Variants in PTPRD observed in about 807,000 individuals in gnomAD.
PTPRD encodes the protein receptor-type tyrosine-protein phosphatase delta.
A neutral mutation model predicts 214.5 loss-of-function variants in PTPRD; 34 were observed. That is an observed-to-expected ratio of 0.16 (90% CI 0.12 to 0.21). The LOEUF (loss-of-function observed/expected upper bound fraction) is 0.21. PTPRD is among the 10% of genes least tolerant of loss of function. The probability of loss-of-function intolerance (pLI) is 1.00; values close to 1 mark genes in which losing one functional copy is unlikely to be tolerated. For synonymous variants in PTPRD, 1,128 were observed against 845.7 expected (o/e 1.33, Z -5.79); for missense variants, 2,545 against 2,398.7 (o/e 1.06, Z -1.27).
intron 10 of PTPRD, among the ~76,000 whole-genome samples, chr9:9,088,295 A>C (rs2099770331): frequency 6.6e-6 from 1 of 150,424 alleles, no homozygotes; most frequent in African/African-American, 2.4e-5. Flanking sequence ...GAACTAATAA[A>C]ATGAAATCTG....
chr9:9,483,723 T>A (rs1396840741), intron 8 of PTPRD, among the ~76,000 whole-genome samples: 1 of 151,738 alleles, frequency 6.6e-6, no homozygotes, highest in Non-Finnish European at 1.5e-5. Flanking sequence ...AAGGAATAAG[T>A]AACTCATTTC....
intron 7 of PTPRD, among the ~76,000 whole-genome samples, chr9:9,694,360 T>C (rs1024606478): frequency 1.3e-5 from 2 of 152,008 alleles, no homozygotes; most frequent in African/African-American, 4.8e-5. Flanking sequence ...ATTCTCTACA[T>C]TGCTAGGCAG....
At chr9:9,838,099 C>G (rs1428654630) in intron 5 of PTPRD, among the ~76,000 whole-genome samples, 1 of 152,156 alleles carries the variant, frequency 6.6e-6, no homozygotes, top group African/African-American at 2.4e-5. Flanking sequence ...GACATGAACT[C>G]ATCATTTTTT....
At chr9:8,655,278 C>T (rs774213539) in intron 12 of PTPRD, among the ~76,000 whole-genome samples, 13 of 152,170 alleles carry the variant, frequency 8.5e-5, no homozygotes, top group Non-Finnish European at 1.8e-4. Flanking sequence ...CTTCTGCTTT[C>T]CTCCCCTGCC....
At chr9:8,502,633 A>C (rs994779700) in intron 23 of PTPRD, among the ~76,000 whole-genome samples, 7 of 152,038 alleles carry the variant, frequency 4.6e-5, no homozygotes, top group Non-Finnish European at 8.8e-5. Flanking sequence ...ATGCATTATC[A>C]TTATTCATAA....
Position 10,210,769 on chromosome 9 carries a change from G to C in PTPRD, c.-545+130194C>G, listed in dbSNP as rs2099512350. Reference sequence around the variant, plus strand: ...TATATTTAAAATGTTTATATATAATGTTTATATATATAAAATCAAAAAACT... The same window carrying C: ...TATATTTAAAATGTTTATATATAATCTTTATATATATAAAATCAAAAAACT... On this transcript the variant is annotated intron_variant, in intron 3 of 45. Transcript: ENST00000381196. 5.7e-5 allele frequency among the ~76,000 whole-genome samples: 5 copies of C among 88,016 alleles called. No homozygotes were observed. In the South Asian group the frequency reaches 9.4e-4, roughly 17 times the overall value. 57.7% of individuals were successfully genotyped at this position (88,016 alleles called of 152,430 possible).
At chr9:10,433,379 A>T (rs73644453) in intron 2 of PTPRD, among the ~76,000 whole-genome samples, 4,172 of 152,068 alleles carry the variant, frequency 0.027, 209 homozygotes, top group African/African-American at 0.096. Context: ...TAATCGAGGT[A>T]TATAAAACAC....
At chr9:10,510,470 T>G (rs941828938) in intron 2 of PTPRD, among the ~76,000 whole-genome samples, 1 of 152,180 alleles carries the variant, frequency 6.6e-6, no homozygotes, top group African/African-American at 2.4e-5. Context: ...TCTTACCTAG[T>G]GTTTTCTTTT....
At chr9:9,104,551 C>G (rs951477865) in intron 10 of PTPRD, among the ~76,000 whole-genome samples, 4 of 152,112 alleles carry the variant, frequency 2.6e-5, no homozygotes, top group African/African-American at 9.7e-5. Context: ...TACTCAAGCC[C>G]ACTGTAATTT....
chr9:9,485,282 T>C (rs28568892), intron 8 of PTPRD, among the ~76,000 whole-genome samples: 12,563 of 152,272 alleles, frequency 0.083, 585 homozygotes, highest in South Asian at 0.14. Context: ...TAGTAAAACA[T>C]GTCATTATAT....
intron 5 of PTPRD, among the ~76,000 whole-genome samples, chr9:9,849,642 T>A (rs1394849111): frequency 6.6e-6 from 1 of 151,126 alleles, no homozygotes; most frequent in Non-Finnish European, 1.5e-5. Context: ...TAAGGTGTGA[T>A]TGCTAAGCTC....
intron 45 of PTPRD, 150 bp downstream of exon 45, chr9:8,319,681 A>T: frequency 1.1e-6 from 1 of 873,390 alleles, no homozygotes; most frequent in Non-Finnish European, 1.7e-6. Context: ...CCATTTAAAA[A>T]GGGGGAAAAT....
At chr9:9,429,320 G>T (rs1200577172) in intron 8 of PTPRD, among the ~76,000 whole-genome samples, 5 of 152,136 alleles carry the variant, frequency 3.3e-5, no homozygotes, top group African/African-American at 1.2e-4. Flanking sequence ...ATAAATTCCT[G>T]GACACATACA....
At chr9:10,163,619 T>C (rs147062187) in intron 3 of PTPRD, among the ~76,000 whole-genome samples, 13 of 151,554 alleles carry the variant, frequency 8.6e-5, no homozygotes, top group African/African-American at 2.9e-4. Context: ...AAGACAAGAT[T>C]GAAAACCAAC....
chr9:8,506,030 T>G (rs1390568333), intron 22 of PTPRD, among the ~76,000 whole-genome samples: 1 of 152,228 alleles, frequency 6.6e-6, no homozygotes, highest in Non-Finnish European at 1.5e-5. Context: ...ATTGGCTTTG[T>G]TAGCTAAATC....
Position 8,912,214 on chromosome 9 carries a change from T to C in PTPRD, c.-104+106483A>G, listed in dbSNP as rs79664784. On this transcript the variant is annotated intron_variant, in intron 11 of 45. Transcript: ENST00000381196. ...GTAAAAATATGTATGCAAATGTTCA[T>C]AGTAGCATTATTCTTTATAGACCCA... is the stretch of plus-strand genomic sequence containing the variant. 9.5e-3 allele frequency among the ~76,000 whole-genome samples: 1,443 copies of C among 152,302 alleles called. 8 individuals are homozygous for C. The highest frequency in any genetic ancestry group is 0.016 in the Non-Finnish European group (1,067 of 68,036).
chr9:8,876,616 T>C (rs544371858), intron 11 of PTPRD, among the ~76,000 whole-genome samples: 2 of 152,322 alleles, frequency 1.3e-5, no homozygotes, highest in African/African-American at 4.8e-5. Context: ...GAAGAATTCA[T>C]AGGTTCGTAA....
chr9:8,900,921 C>CTT (rs921031063), intron 11 of PTPRD, among the ~76,000 whole-genome samples: 2 of 152,098 alleles, frequency 1.3e-5, no homozygotes, highest in African/African-American at 4.8e-5. Context: ...TTCCATCCAA[C>CTT]TTTAATTTTC....
intron 4 of PTPRD, among the ~76,000 whole-genome samples, chr9:10,026,061 G>T (rs566100685): frequency 6.6e-6 from 1 of 152,302 alleles, no homozygotes; most frequent in Admixed American, 6.5e-5. Flanking sequence ...GCTCTAATAT[G>T]TCTCTTGCAA....
Sources: gnomAD v4.1 joint callset for allele counts (sites outside exome capture counted in the v4.1 genomes callset) on GRCh38, gnomAD v4.1.1 for gene constraint, MANE v1.5 for transcripts, NCBI Gene and HGNC (gene_info 2026-07-23, HGNC 2026-07-21) for gene names.